Variants in ANK3 observed in about 807,000 individuals in gnomAD.
The protein encoded by ANK3 is ankyrin-3.
In ANK3, 57 loss-of-function variants were observed where a neutral mutation model predicts 370.9. The observed-to-expected ratio is 0.15, with a 90% CI of 0.12 to 0.19. The LOEUF (loss-of-function observed/expected upper bound fraction) is 0.19, where lower values mean the gene tolerates loss of function less well. Ranked by LOEUF, ANK3 falls within the 10% of genes least tolerant of loss-of-function variation. The pLI is 1.00. For synonymous variants in ANK3, 1,929 were observed against 1,946.3 expected (o/e 0.99, Z 0.23); for missense variants, 4,439 against 5,302.1 (o/e 0.84, Z 5.06).
chr10:60,290,556 G>A (rs1455644678), intron 1 of ANK3, among the ~76,000 whole-genome samples: 1 of 152,120 alleles, frequency 6.6e-6, no homozygotes, highest in Non-Finnish European at 1.5e-5. Context: ...AATAATCACT[G>A]TCAAAACTAA....
chr10:60,122,133 T>C (rs556885105), intron 25 of ANK3, among the ~76,000 whole-genome samples: 1 of 152,288 alleles, frequency 6.6e-6, no homozygotes, highest in South Asian at 2.1e-4. Flanking sequence ...TCTTTCCCAC[T>C]CCCGATTTTT....
chr10:60,567,827 CA>C (rs1224459284), intron 2 of ANK3, among the ~76,000 whole-genome samples: 1 of 152,122 alleles, frequency 6.6e-6, no homozygotes, highest in Non-Finnish European at 1.5e-5. Flanking sequence ...TCCTCATAGA[CA>C]ACTTTGGGGG....
intron 2 of ANK3, among the ~76,000 whole-genome samples, chr10:60,510,428 C>G (rs565524133): frequency 6.6e-6 from 1 of 152,256 alleles, no homozygotes; most frequent in East Asian, 1.9e-4. Context: ...AAGTACAATA[C>G]TAAGCATTTC....
At chr10:60,197,879 A>T (rs2096611901) in intron 14 of ANK3, among the ~76,000 whole-genome samples, 1 of 152,218 alleles carries the variant, frequency 6.6e-6, no homozygotes, top group African/African-American at 2.4e-5. Context: ...AAATCAAACC[A>T]TAAGTCAGAC....
chr10:60,047,292 A>C (rs748220522), intron 42 of ANK3, among the ~76,000 whole-genome samples: 48 of 152,196 alleles, frequency 3.2e-4, no homozygotes, highest in Non-Finnish European at 6.3e-4. Flanking sequence ...AATGAAAATT[A>C]ACTGTACTTC....
rs79780776 is a variant in ANK3, at chr10:60,488,731, C to A, written c.96+126455G>T. Among the ~76,000 whole-genome samples the A allele has an allele frequency of 7.6e-4, 116 of 152,200 alleles. No homozygotes were observed. In the East Asian group the frequency reaches 0.021, roughly 28 times the overall value. On this transcript the variant is annotated intron_variant, in intron 2 of 43. Transcript: ENST00000373827. The stretch of plus-strand genomic sequence containing the variant: ...GTTTAATGCTTTCAAGTTTCATCCA[C>A]GTGATAGAAAATATTGGTATTTTAT...
chr10:60,494,996 C>T (rs1052081154), intron 2 of ANK3, among the ~76,000 whole-genome samples: 7 of 152,116 alleles, frequency 4.6e-5, no homozygotes, highest in Non-Finnish European at 1.0e-4. Flanking sequence ...CTAACAATAC[C>T]TTTTCCACAA....
rs116507321 is a variant in ANK3 at position 60,303,138 on chromosome 10, A to G, written c.115-23499T>C. 5.1e-3 allele frequency among the ~76,000 whole-genome samples: 772 copies of G among 152,336 alleles called. 5 individuals carry two copies. Among genetic ancestry groups the G allele is most frequent in the African/African-American group, 0.017 (712 of 41,572 alleles). On this transcript the variant is annotated intron_variant, in intron 1 of 43. Transcript: ENST00000280772. Reference sequence around the variant, plus strand: ...AACACAAGGCAAAAGTTCTCATAACATTGATCTGGGCAATGATTTTTTGCA... The same window carrying G: ...AACACAAGGCAAAAGTTCTCATAACGTTGATCTGGGCAATGATTTTTTGCA...
chr10:60,449,294 C>T (rs908884514), intron 2 of ANK3, among the ~76,000 whole-genome samples: 3 of 151,998 alleles, frequency 2.0e-5, no homozygotes, highest in Non-Finnish European at 4.4e-5. Flanking sequence ...CCGATATATC[C>T]AAATCATTAT....
chr10:60,460,395 G>C (rs1399513727), intron 2 of ANK3, among the ~76,000 whole-genome samples: 1 of 152,042 alleles, frequency 6.6e-6, no homozygotes, highest in South Asian at 2.1e-4. Context: ...GAAATTTAAG[G>C]CACAAAAAGA....
intron 27 of ANK3, among the ~76,000 whole-genome samples, chr10:60,106,986 G>A (rs1311039303): frequency 6.6e-6 from 1 of 152,058 alleles, no homozygotes; most frequent in East Asian, 1.9e-4. Context: ...ATGTGTTTAG[G>A]TATATGTGAT....
intron 1 of ANK3, among the ~76,000 whole-genome samples, chr10:60,352,152 T>C (rs1350633): frequency 0.73 from 110,491 of 151,830 alleles, 40,732 homozygotes; most frequent in South Asian, 0.92. Flanking sequence ...CAAAAATTAG[T>C]CAGGCATGGT....
intron 18 of ANK3, among the ~76,000 whole-genome samples, chr10:60,180,594 C>CAAAAAAA (rs58386273): frequency 0.03 from 1,891 of 63,372 alleles, 343 homozygotes; most frequent in African/African-American, 0.1. Flanking sequence ...GACTCCGTCT[C>CAAAAAAA]AAAAAAAAAA....
At chr10:60,321,404 A>G (rs1408861455) in intron 1 of ANK3, among the ~76,000 whole-genome samples, 168 of 108,990 alleles carry the variant, frequency 1.5e-3, no homozygotes, top group African/African-American at 4.5e-3. Flanking sequence ...GAAGAGAAGA[A>G]AAGAAAAGAA....
intron 1 of ANK3, among the ~76,000 whole-genome samples, chr10:60,334,420 C>T (rs1489141510): frequency 6.6e-6 from 1 of 152,144 alleles, no homozygotes; most frequent in Non-Finnish European, 1.5e-5. Context: ...AAAATTTGCA[C>T]TCTTAGCAAG....
intron 2 of ANK3, among the ~76,000 whole-genome samples, chr10:60,601,060 G>GAACT (rs957582887): frequency 4.6e-5 from 7 of 152,094 alleles, no homozygotes; most frequent in African/African-American, 1.4e-4. Context: ...ATATCTTTTG[G>GAACT]AACTCTAAAT....
At chr10:60,361,800 T>C (rs926667974) in intron 1 of ANK3, among the ~76,000 whole-genome samples, 1 of 152,246 alleles carries the variant, frequency 6.6e-6, no homozygotes, top group African/African-American at 2.4e-5. Flanking sequence ...TTATTGTTAA[T>C]TTGGGTCAAG....
At chr10:60,032,596 T>C (rs1368521505) in intron 43 of ANK3, among the ~76,000 whole-genome samples, 1 of 152,182 alleles carries the variant, frequency 6.6e-6, no homozygotes, top group Non-Finnish European at 1.5e-5. Flanking sequence ...CTTCCCAGGT[T>C]AATTTCGTAA....
chr10:60,061,137 A>T lies in ANK3; in HGVS notation c.12596-1707T>A, dbSNP rs576315532. On this transcript the variant is annotated intron_variant, in intron 40 of 43. Transcript: ENST00000280772. ...ATCAGTCCCAGGTAAATACCAACTTAGCTGCTGTTGTAAACTCAAATTGCT... is the reference window on the plus strand; with the variant it reads ...ATCAGTCCCAGGTAAATACCAACTTTGCTGCTGTTGTAAACTCAAATTGCT... Among the ~76,000 whole-genome samples the T allele has an allele frequency of 2.0e-5, 3 of 152,352 alleles. No homozygotes were observed. In the South Asian group the frequency reaches 6.2e-4, roughly 32 times the overall value.
Sources: allele counts gnomAD v4.1 joint callset (sites outside exome capture counted in the v4.1 genomes callset), GRCh38; gene constraint gnomAD v4.1.1; transcripts MANE v1.5; gene names NCBI Gene and HGNC (gene_info 2026-07-23, HGNC 2026-07-21).